TCF25: variants seen among roughly 807,000 people sequenced by gnomAD.
TCF25 encodes the protein ribosome quality control complex subunit TCF25.
In TCF25, 41 loss-of-function variants were observed where a neutral mutation model predicts 83.1. The ratio of observed to expected loss-of-function variants is 0.49; its 90% CI spans 0.38 to 0.64. The LOEUF is 0.64. Ranked by LOEUF, TCF25 falls within the 30% of genes least tolerant of loss-of-function variation. The pLI is 0.00. For missense variants in TCF25, 979 were observed against 914.5 expected (o/e 1.07, Z -0.91); for synonymous variants, 458 against 365.0 (o/e 1.25, Z -2.90).
At chr16:89,887,434 G>A (rs1302838042) in intron 4 of TCF25, among the ~76,000 whole-genome samples, 1 of 152,216 alleles carries the variant, frequency 6.6e-6, no homozygotes, top group African/African-American at 2.4e-5. Context: ...CACTCACCGA[G>A]CGCCCTCACG....
chr16:89,876,121 G>A (rs2042171189), intron 1 of TCF25, among the ~76,000 whole-genome samples: 1 of 152,040 alleles, frequency 6.6e-6, no homozygotes, highest in Non-Finnish European at 1.5e-5. Flanking sequence ...AACCCTTGTG[G>A]ACTTTCTGGA....
chr16:89,900,375 C>T (rs1757765200), intron 11 of TCF25, among the ~76,000 whole-genome samples: 1 of 151,882 alleles, frequency 6.6e-6, no homozygotes, highest in Admixed American at 6.6e-5. Flanking sequence ...AGGTGGGACC[C>T]TCACTCCCCA....
intron 16 of TCF25, chr16:89,909,621 T>A (rs1216708858): frequency 7.0e-6 from 1 of 142,646 alleles, no homozygotes; most frequent in Non-Finnish European, 1.5e-5. Context: ...GGGGTTGCCG[T>A]GAGCTGAGAT....
chr16:89,895,217 GA>G (rs2043758067), intron 8 of TCF25, 80 bp downstream of exon 8: 2 of 1,311,922 alleles, frequency 1.5e-6, no homozygotes, highest in Admixed American at 4.0e-5. Context: ...GGTGTAAGAT[GA>G]CAGGGGTTGC....
In TCF25 at chr16:89,885,832, G is replaced by A. The variant is rs758790812; in HGVS notation, c.430-16G>A. The stretch of plus-strand genomic sequence containing the variant: ...ATGTCAGTGTGGTGATTAAGAGGTT[G>A]TTTTGGGGCTTTTAGGAAAACGGAC... On this transcript the variant is annotated splice_polypyrimidine_tract_variant and intron_variant, in intron 3 of 17. Transcript: ENST00000263346. 1 of 1,592,256 alleles carries A rather than the reference G, an allele frequency of 6.3e-7. No homozygotes were observed.
intron 1 of TCF25, chr16:89,878,712 C>T: frequency 1.0e-6 from 1 of 962,730 alleles, no homozygotes; most frequent in Non-Finnish European, 1.3e-6. Flanking sequence ...ACCATCTCAG[C>T]TCACTGCAAG....
chr16:89,899,728 CAAAAA>C (rs570020965), intron 11 of TCF25, among the ~76,000 whole-genome samples: 1 of 133,224 alleles, frequency 7.5e-6, no homozygotes. Context: ...AACTCCGTCT[CAAAAA>C]AAAAAAAAGA....
intron 2 of TCF25, 102 bp downstream of exon 2, chr16:89,883,614 C>A: frequency 7.1e-7 from 1 of 1,398,734 alleles, no homozygotes; most frequent in Admixed American, 2.7e-5. Context: ...GTGTAATTTT[C>A]CGAGTTCCAT....
intron 16 of TCF25, 49 bp downstream of exon 16, chr16:89,907,371 C>CACT: frequency 2.2e-5 from 2 of 91,802 alleles, no homozygotes; most frequent in East Asian, 3.0e-4. Flanking sequence ...CCTCCCTCCT[C>CACT]CCAGTTCCCA....
chr16:89,886,478 A>G (rs2043027071), intron 4 of TCF25, among the ~76,000 whole-genome samples: 1 of 150,698 alleles, frequency 6.6e-6, no homozygotes, highest in Non-Finnish European at 1.5e-5. Context: ...CATTTAGGAA[A>G]TAGGCCGGGC....
rs890188707 is a variant in TCF25, at chr16:89,883,476, G to C, written c.318G>C (p.Thr106=). The change falls in exon 2 of 18, where the codon ACG becomes ACC. Residue 106 remains threonine, a synonymous_variant. Coordinates refer to ENST00000263346, the MANE Select transcript of TCF25 (RefSeq NM_014972.3). The stretch of plus-strand genomic sequence containing the variant: ...AGCGTGGAAACACAGAGAGCAAGAC[G>C]GATGGAGATGACACCGAGACAGTGC... ...RGQRGNTESK[T]DGDDTETVPS... 1 of 1,612,840 alleles carries C rather than the reference G, an allele frequency of 6.2e-7. No individual in the cohort carries two copies. Among genetic ancestry groups the C allele is most frequent in the South Asian group, 1.1e-5 (1 of 90,866 alleles).
Position 89,873,804 on chromosome 16 carries a change from G to A in TCF25, c.137G>A (p.Arg46Gln). The part of the protein sequence containing the change: ...EEGPKRELGV[R>Q]RPGGAGKEGV... ...GGGCCCAAGCGGGAGCTTGGTGTCC[G>A]GCGTCCCGGGGGCGCAGGGAAGGAG... The change falls in exon 1 of 18, where the codon CGG becomes CAG. Residue 46 changes from arginine to glutamine, a missense_variant. Arg to Gln is a conservative substitution (Grantham distance 43, BLOSUM62 1). Transcript: ENST00000263346. 6.3e-7 allele frequency: 1 copy of A among 1,598,976 alleles called. No individual in the cohort carries two copies. Among genetic ancestry groups the A allele is most frequent in the Non-Finnish European group, 8.5e-7 (1 of 1,174,568 alleles).
intron 1 of TCF25, among the ~76,000 whole-genome samples, chr16:89,875,513 G>GTTTTTT (rs1193815042): frequency 7.6e-5 from 5 of 66,010 alleles, no homozygotes; most frequent in Non-Finnish European, 1.1e-4. Flanking sequence ...CCTGACGTGA[G>GTTTTTT]TTTTTTTTTT....
At chr16:89,887,863 G>C in intron 5 of TCF25, 146 bp downstream of exon 5, 1 of 665,102 alleles carries the variant, frequency 1.5e-6, no homozygotes, top group South Asian at 2.3e-5. Flanking sequence ...ATTGGGGTCT[G>C]AATGGGAGTC....
rs1200851161 is a variant in TCF25, at chr16:89,900,976, C to G, written c.1381+182C>G. The G allele has an allele frequency of 9.2e-6, 6 of 649,752 alleles. No homozygotes were observed. In the Admixed American group the frequency reaches 1.9e-4, roughly 20 times the overall value. 40.2% of individuals were successfully genotyped at this position (649,752 alleles called of 1,614,324 possible). A position where few individuals can be genotyped will look rare whatever the true frequency, so the allele number is the denominator to read the frequency against. ...AAAGAGGGTCGGCTCATCTCGGAAC[C>G]CGCTGCGTGCCAAGCCAGGCACGAG... On this transcript the variant is annotated intron_variant, in intron 12 of 17. Transcript: ENST00000263346.
intron 11 of TCF25, among the ~76,000 whole-genome samples, chr16:89,900,288 G>C (rs79008417): frequency 1.3e-5 from 2 of 151,880 alleles, no homozygotes; most frequent in South Asian, 2.1e-4. Flanking sequence ...ACTCGCGCGG[G>C]GGTGGGCTGC....
chr16:89,906,430 A>G, intron 15 of TCF25, 146 bp downstream of exon 15: 1 of 696,940 alleles, frequency 1.4e-6, no homozygotes, highest in South Asian at 1.7e-5. Context: ...GGTCTAGTGC[A>G]GAGGGCTCCT....
intron 1 of TCF25, among the ~76,000 whole-genome samples, chr16:89,882,660 C>T (rs1186593557): frequency 6.6e-6 from 1 of 152,304 alleles, no homozygotes; most frequent in Non-Finnish European, 1.5e-5. Context: ...GATCTTGACT[C>T]ACAGCAACCT....
Position 89,906,237 on chromosome 16 carries a change from C to G in TCF25, c.1672C>G (p.His558Asp). 6.2e-7 allele frequency: 1 copy of G among 1,613,456 alleles called. No individual in the cohort carries two copies. Among genetic ancestry groups the G allele is most frequent in the Non-Finnish European group, 8.5e-7 (1 of 1,180,012 alleles). Residue 558 changes from histidine to aspartate, a missense_variant, in exon 15 of 18, where the codon CAT becomes GAT. Transcript: ENST00000263346. ...GCGTGCACCCAGGAATATCCACCGC[C>G]ATGTGATCCTCTCTGAGATCAAGGA... ...YQRAPRNIHR[H>D]VILSEIKEAV...
Sources: allele counts gnomAD v4.1 joint callset (sites outside exome capture counted in the v4.1 genomes callset), GRCh38; gene constraint gnomAD v4.1.1; transcripts MANE v1.5; gene names NCBI Gene and HGNC (gene_info 2026-07-23, HGNC 2026-07-21).